The following AXDND1 variants were observed in gnomAD, a reference collection of about 807,000 sequenced individuals.
AXDND1 encodes the protein axonemal dynein light chain domain containing 1, also known as axonemal dynein light chain domain-containing protein 1.
In AXDND1, 110 loss-of-function variants were observed where a neutral mutation model predicts 137.5. The observed-to-expected ratio is 0.80, with a 90% CI of 0.69 to 0.94. AXDND1 has a LOEUF of 0.94. AXDND1 is among the 40% of genes least tolerant of loss of function. AXDND1 has a pLI of 0.00. For missense variants in AXDND1, 1,191 were observed against 1,169.8 expected, an observed-to-expected ratio of 1.02 and a Z score of -0.26; for synonymous variants, 414 against 399.7, an observed-to-expected ratio of 1.04 and a Z score of -0.43.
intron 15 of AXDND1, among the ~76,000 whole-genome samples, chr1:179,434,395 C>CA (rs1039520602): frequency 9.2e-5 from 14 of 151,786 alleles, no homozygotes; most frequent in African/African-American, 2.7e-4. Flanking sequence ...AGAGACACAA[C>CA]AAAAAAAAGA....
Position 179,411,172 on chromosome 1 carries a change from AT to A in AXDND1, c.1137del (p.Tyr379Ter), listed in dbSNP as rs1558138777. 1.2e-6 allele frequency: 2 copies of A among 1,607,024 alleles called. No individual in the cohort carries two copies. The highest frequency in any genetic ancestry group is 1.7e-6 in the Non-Finnish European group (2 of 1,175,672). On this transcript the variant is annotated frameshift_variant, in exon 12 of 26. Transcript: ENST00000367618. LOFTEE classifies it high-confidence loss of function. ...ATAGTAGAAGAATATCATGACTTATATACATTACAAAGAGAAAGGATGGAGA... is the reference window on the plus strand; with the variant it reads ...ATAGTAGAAGAATATCATGACTTATAACATTACAAAGAGAAAGGATGGAGA... The part of the protein sequence containing the change: ...AKIVEEYHDL[Y>X]TLQRERMEND...
chr1:179,502,592 G>T (rs1290391063), intron 20 of AXDND1, among the ~76,000 whole-genome samples: 1 of 141,286 alleles, frequency 7.1e-6, no homozygotes, highest in East Asian at 2.0e-4. Flanking sequence ...AAAAGAAATT[G>T]CAAAGTCTGG....
At chr1:179,527,280 G>T (rs1335498333) in intron 22 of AXDND1, among the ~76,000 whole-genome samples, 1 of 152,174 alleles carries the variant, frequency 6.6e-6, no homozygotes, top group Non-Finnish European at 1.5e-5. Flanking sequence ...ACAACCAGAG[G>T]TCACTCTTGT....
intron 16 of AXDND1, chr1:179,451,272 G>T (rs1198246343): frequency 2.6e-5 from 4 of 151,394 alleles, no homozygotes; most frequent in Non-Finnish European, 4.4e-5. Context: ...TCTTTAAGAG[G>T]TCTATCTATA....
chr1:179,520,902 TTATA>T (rs931558625), intron 21 of AXDND1, among the ~76,000 whole-genome samples: 2 of 148,136 alleles, frequency 1.4e-5, no homozygotes, highest in Admixed American at 1.4e-4. Context: ...TTTATATATA[TTATA>T]TATATACAGA....
intron 18 of AXDND1, among the ~76,000 whole-genome samples, chr1:179,488,655 CTTT>C (rs1558256773): frequency 9.3e-6 from 1 of 107,128 alleles, no homozygotes; most frequent in African/African-American, 4.3e-5. Context: ...TTCTTTCTTT[CTTT>C]CTTTCTTTCT....
chr1:179,534,548 T>C (rs1341055467), intron 24 of AXDND1, 182 bp from the exon 25 acceptor site: 1 of 585,232 alleles, frequency 1.7e-6, no homozygotes, highest in African/African-American at 1.9e-5. Context: ...TACTCTGACA[T>C]TAGCATTCAG....
At chr1:179,479,520 G>A (rs1665076019) in intron 17 of AXDND1, among the ~76,000 whole-genome samples, 1 of 150,944 alleles carries the variant, frequency 6.6e-6, no homozygotes, top group African/African-American at 2.4e-5. Flanking sequence ...GCTCATGCCT[G>A]TAATCCTAGC....
At chr1:179,514,062 A>G (rs1669290879) in intron 21 of AXDND1, among the ~76,000 whole-genome samples, 1 of 151,498 alleles carries the variant, frequency 6.6e-6, no homozygotes, top group African/African-American at 2.4e-5. Flanking sequence ...GTTTATTTCA[A>G]TTTCATTTAA....
intron 11 of AXDND1, among the ~76,000 whole-genome samples, chr1:179,410,578 AG>A (rs2125219063): frequency 6.6e-6 from 1 of 152,326 alleles, no homozygotes; most frequent in East Asian, 1.9e-4. Context: ...AGAAGGAAAA[AG>A]GTATGTTCTG....
intron 1 of AXDND1, 176 bp from the exon 2 acceptor site, chr1:179,366,228 C>T (rs1002136822): frequency 4.2e-6 from 1 of 237,248 alleles, no homozygotes; most frequent in Non-Finnish European, 8.4e-6. Context: ...TGCTCCTTGA[C>T]CCCGACCTGA....
At chr1:179,532,055 G>A (rs185147735) in intron 23 of AXDND1, among the ~76,000 whole-genome samples, 5 of 152,306 alleles carry the variant, frequency 3.3e-5, no homozygotes, top group Non-Finnish European at 7.3e-5. Context: ...ATTGCCATCT[G>A]GCACACATGG....
chr1:179,509,324 G>A lies in AXDND1; in HGVS notation c.2417G>A (p.Cys806Tyr). The change falls in exon 21 of 26, where the codon TGC becomes TAC. Residue 806 changes from cysteine (C) to tyrosine (Y), a missense_variant. Cys to Tyr is a radical substitution (Grantham distance 194, BLOSUM62 -2). Coordinates refer to ENST00000367618, the MANE Select transcript of AXDND1 (RefSeq NM_144696.6). ...GAATGTTATGAATGGATCAACACAT[G>A]CTCTTGCCTCCTTTCTAATATCAAA... ...KKECYEWINT[C>Y]SCLLSNIKGR... The A allele has an allele frequency of 6.2e-7, 1 of 1,612,018 alleles. No individual in the cohort carries two copies. The highest frequency in any genetic ancestry group is 8.5e-7 in the Non-Finnish European group (1 of 1,178,562).
chr1:179,535,028 C>T (rs1671397887), intron 25 of AXDND1, 66 bp downstream of exon 25: 1 of 1,595,848 alleles, frequency 6.3e-7, no homozygotes, highest in African/African-American at 1.3e-5. Context: ...GACTGGGCCA[C>T]AAATATTGTA....
intron 25 of AXDND1, chr1:179,551,374 A>C: frequency 2.5e-6 from 4 of 1,614,130 alleles, no homozygotes; most frequent in Non-Finnish European, 3.4e-6. Context: ...GCTGAACGGC[A>C]GCAGGGGTGC....
At chr1:179,390,356 T>C (rs1230110584) in intron 9 of AXDND1, among the ~76,000 whole-genome samples, 1 of 152,224 alleles carries the variant, frequency 6.6e-6, no homozygotes, top group Non-Finnish European at 1.5e-5. Context: ...TGTTATGGTA[T>C]TTATAATTTA....
intron 10 of AXDND1, among the ~76,000 whole-genome samples, chr1:179,394,331 GTAA>G (rs1650679634): frequency 1.3e-5 from 2 of 152,304 alleles, no homozygotes; most frequent in South Asian, 4.1e-4. Flanking sequence ...GCTCACACCT[GTAA>G]TCCCAGCACT....
intron 11 of AXDND1, among the ~76,000 whole-genome samples, chr1:179,407,372 C>T (rs1024940731): frequency 5.9e-5 from 9 of 151,826 alleles, no homozygotes; most frequent in African/African-American, 1.2e-4. Context: ...AGACTACAGG[C>T]GCGTGCCACC....
intron 17 of AXDND1, among the ~76,000 whole-genome samples, chr1:179,477,069 A>G (rs191275864): frequency 9.6e-4 from 145 of 151,818 alleles, no homozygotes; most frequent in African/African-American, 3.4e-3. Flanking sequence ...ACTTCCATAT[A>G]TTTATCTTCA....
Sources: allele counts gnomAD v4.1 joint callset (sites outside exome capture counted in the v4.1 genomes callset), GRCh38; gene constraint gnomAD v4.1.1; transcripts MANE v1.5; gene names NCBI Gene and HGNC (gene_info 2026-07-23, HGNC 2026-07-21).